The following CARMIL1 variants were observed in gnomAD, a reference collection of about 807,000 sequenced individuals.
CARMIL1 encodes capping protein regulator and myosin 1 linker 1, also known as F-actin-uncapping protein LRRC16A.
In CARMIL1, 90 loss-of-function variants were observed where a neutral mutation model predicts 177.1. The observed-to-expected ratio is 0.51, with a 90% CI of 0.43 to 0.61. CARMIL1 has a LOEUF of 0.61. Among genes scored for constraint, CARMIL1 ranks in the 20% least tolerant of loss-of-function variants. The probability of loss-of-function intolerance (pLI) is 0.00; values close to 1 mark genes in which losing one functional copy is unlikely to be tolerated. For missense variants in CARMIL1, 1,380 were observed against 1,667.0 expected, an observed-to-expected ratio of 0.83 and a Z score of 3.00; for synonymous variants, 577 against 606.2, an observed-to-expected ratio of 0.95 and a Z score of 0.71.
At chr6:25,390,618 C>T (rs1000329949) in intron 2 of CARMIL1, among the ~76,000 whole-genome samples, 2 of 151,832 alleles carry the variant, frequency 1.3e-5, no homozygotes, top group African/African-American at 2.4e-5. Context: ...CACTGCATCC[C>T]GCCTAGATTT....
rs368801952 is a variant in CARMIL1, at chr6:25,561,453, G to A, written c.2742+4603G>A. Among the ~76,000 whole-genome samples the A allele has an allele frequency of 2.0e-4, 31 of 152,192 alleles. No individual in the cohort carries two copies. The South Asian group carries it at 5.0e-3, about 24-fold the overall frequency. On this transcript the variant is annotated intron_variant, in intron 29 of 36. Coordinates refer to ENST00000329474, the MANE Select transcript of CARMIL1 (RefSeq NM_017640.6). ...ATTCATGCAGAGGAGCAGTTTGTCC[G>A]CTTATTGCTGTTCCTAGGAAAAGAA...
intron 5 of CARMIL1, among the ~76,000 whole-genome samples, chr6:25,446,944 A>G (rs1402813881): frequency 1.3e-5 from 2 of 152,314 alleles, no homozygotes; most frequent in East Asian, 3.9e-4. Context: ...CACACTTTTA[A>G]GTAGCTAAGT....
rs1460979473 is a variant in CARMIL1 at position 25,606,048 on chromosome 6, T to G, written c.3635-13T>G. On this transcript the variant is annotated splice_polypyrimidine_tract_variant and intron_variant, in intron 34 of 36. Transcript: ENST00000329474. ...TTGACCTTTGATTTTTAAAGTGGCC[T>G]TTTTCATCTTAGTGCCTAAACTGCA... 6.3e-7 allele frequency: 1 copy of G among 1,593,520 alleles called. No individual in the cohort carries two copies.
chr6:25,372,702 A>G (rs1790542524), intron 2 of CARMIL1, among the ~76,000 whole-genome samples: 1 of 152,052 alleles, frequency 6.6e-6, no homozygotes, highest in African/African-American at 2.4e-5. Flanking sequence ...GAGATAGTGT[A>G]ATTTACTCTT....
At chr6:25,551,224 TA>T (rs1177537804) in intron 27 of CARMIL1, 139 bp downstream of exon 27, 9 of 639,890 alleles carry the variant, frequency 1.4e-5, no homozygotes, top group Non-Finnish European at 2.4e-5. Flanking sequence ...TGTATATAAA[TA>T]TAACTGTGCA....
rs1175119985 is a variant in CARMIL1 at position 25,577,118 on chromosome 6, C to G, written c.2743-3806C>G. 1 of 985,148 alleles carries G rather than the reference C, an allele frequency of 1.0e-6. No individual in the cohort carries two copies. The highest frequency in any genetic ancestry group is 1.2e-6 in the Non-Finnish European group (1 of 829,914). 61.0% of individuals were successfully genotyped at this position (985,148 alleles called of 1,614,324 possible). ...GTAGTGTTGTCATCCATCTGCAGAT[C>G]CTGAATGAAATAGGCAACAATTTAG... On this transcript the variant is annotated intron_variant, in intron 29 of 36. Transcript: ENST00000329474. This position sits in a 1 kb window ranked among gnomAD's most constrained non-coding sequence, Gnocchi z 4.5.
In CARMIL1 at chr6:25,586,158, C is replaced by T. The variant is rs556192178; in HGVS notation, c.3006+4719C>T. Among the ~76,000 whole-genome samples the T allele has an allele frequency of 5.4e-5, 8 of 147,942 alleles. No homozygotes were observed. The South Asian group carries it at 8.4e-4, about 16-fold the overall frequency. On this transcript the variant is annotated intron_variant, in intron 31 of 36. Coordinates refer to ENST00000329474, the MANE Select transcript of CARMIL1 (RefSeq NM_017640.6). ...GGGGGGTTGCCCCCCACCTCCCAGA[C>T]GGGGCGGCTGCCGGGCAGAGACGCT...
Position 25,544,670 on chromosome 6 carries a change from T to C in CARMIL1, c.2328+4592T>C, listed in dbSNP as rs545947363. Among the ~76,000 whole-genome samples, 322 of 151,106 alleles carry C rather than the reference T, an allele frequency of 2.1e-3. 1 individual carries two copies. Among genetic ancestry groups the C allele is most frequent in the Non-Finnish European group, 2.8e-3 (192 of 67,692 alleles). ...ACCCCAAACACTAAAGGATATACTT[T>C]AGGACAAAGAAAAATTATCCAAAAA... On this transcript the variant is annotated intron_variant, in intron 26 of 36. Transcript: ENST00000329474.
Position 25,329,845 on chromosome 6 carries a change from A to G in CARMIL1, c.138+44936A>G, listed in dbSNP as rs541399061. On this transcript the variant is annotated intron_variant, in intron 2 of 36. Coordinates refer to ENST00000329474, the MANE Select transcript of CARMIL1 (RefSeq NM_017640.6). ...GGATATCTGTCCTCCAGAGTTGTTCAGGGGATTCAGCATATGAGAAGTTAT... is the reference window on the plus strand; with the variant it reads ...GGATATCTGTCCTCCAGAGTTGTTCGGGGGATTCAGCATATGAGAAGTTAT... Among the ~76,000 whole-genome samples, 8 of 152,346 alleles carry G rather than the reference A, an allele frequency of 5.3e-5. No individual in the cohort carries two copies. The East Asian group carries it at 5.8e-4, about 11-fold the overall frequency.
chr6:25,544,291 A>C (rs1809207754), intron 26 of CARMIL1, among the ~76,000 whole-genome samples: 1 of 152,102 alleles, frequency 6.6e-6, no homozygotes, highest in Non-Finnish European at 1.5e-5. Flanking sequence ...GATAGATAAA[A>C]GCAAATTTAC....
Position 25,324,831 on chromosome 6 carries a change from C to G in CARMIL1, c.138+39922C>G, listed in dbSNP as rs547036747. 2.6e-5 allele frequency among the ~76,000 whole-genome samples: 4 copies of G among 152,022 alleles called. No homozygotes were observed. The East Asian group carries it at 7.7e-4, about 29-fold the overall frequency. The stretch of plus-strand genomic sequence containing the variant: ...GGCTGAAGTGAGGGAGAAGGTGTTC[C>G]AGGTGAGGGCACAGGTGTGAATGTA... On this transcript the variant is annotated intron_variant, in intron 2 of 36. Coordinates refer to ENST00000329474, the MANE Select transcript of CARMIL1 (RefSeq NM_017640.6).
chr6:25,483,739 A>G (rs1415743948), intron 12 of CARMIL1, among the ~76,000 whole-genome samples: 2 of 151,492 alleles, frequency 1.3e-5, no homozygotes, highest in African/African-American at 4.8e-5. Flanking sequence ...GGTGGATTGA[A>G]AAAAAGTCGG....
At chr6:25,420,382 G>C (rs1795748580) in intron 3 of CARMIL1, 1 of 530,608 alleles carries the variant, frequency 1.9e-6, no homozygotes, top group Non-Finnish European at 3.4e-6. Flanking sequence ...AGCACCTAAA[G>C]GCTGTAATGA....
At chr6:25,459,669 A>G (rs1799968555) in intron 8 of CARMIL1, among the ~76,000 whole-genome samples, 1 of 152,182 alleles carries the variant, frequency 6.6e-6, no homozygotes, top group Admixed American at 6.5e-5. Flanking sequence ...TAACTGTCTC[A>G]TATCTCTTCA....
chr6:25,398,489 A>T (rs147854105), intron 2 of CARMIL1, among the ~76,000 whole-genome samples: 131 of 152,346 alleles, frequency 8.6e-4, no homozygotes, highest in African/African-American at 3.0e-3. Flanking sequence ...TGATAAATCA[A>T]TGTGGGTTTT....
chr6:25,516,962 A>G (rs1031420717), intron 21 of CARMIL1, among the ~76,000 whole-genome samples: 4 of 152,218 alleles, frequency 2.6e-5, no homozygotes, highest in African/African-American at 9.6e-5. Context: ...TATATTGGGC[A>G]TGGAACTGGT....
intron 5 of CARMIL1, 34 bp from the exon 6 acceptor site, chr6:25,449,864 T>G (rs1581984286): frequency 7.4e-7 from 1 of 1,345,316 alleles, no homozygotes; most frequent in East Asian, 2.4e-5. Context: ...AAAAGTGTGG[T>G]TTGTGAAATG....
At chr6:25,468,575 C>G (rs1442709618) in intron 9 of CARMIL1, among the ~76,000 whole-genome samples, 1 of 152,232 alleles carries the variant, frequency 6.6e-6, no homozygotes, top group Admixed American at 6.5e-5. Context: ...GCTGCACATG[C>G]TGTAGACATT....
intron 5 of CARMIL1, among the ~76,000 whole-genome samples, chr6:25,441,876 T>C (rs1289199562): frequency 2.0e-5 from 3 of 149,466 alleles, no homozygotes; most frequent in African/African-American, 7.3e-5. Context: ...CCTTGGCTGG[T>C]CTCCAAAACA....
Sources: allele counts gnomAD v4.1 joint callset (sites outside exome capture counted in the v4.1 genomes callset), GRCh38; gene constraint gnomAD v4.1.1; non-coding constraint Gnocchi (gnomAD v3.1); transcripts MANE v1.5; gene names NCBI Gene and HGNC (gene_info 2026-07-23, HGNC 2026-07-21).